The following NEK1 variants were observed in gnomAD, a reference collection of about 807,000 sequenced individuals.
NEK1 encodes serine/threonine-protein kinase Nek1.
In NEK1, 137 loss-of-function variants were observed where a neutral mutation model predicts 182.1. The observed-to-expected ratio is 0.75, with a 90% CI of 0.65 to 0.87. NEK1 has a LOEUF of 0.87. Among genes scored for constraint, NEK1 ranks in the 40% least tolerant of loss-of-function variants. The pLI, the probability that NEK1 is intolerant of heterozygous loss-of-function variation, is 0.00. For synonymous variants in NEK1, 513 were observed against 492.2 expected, an observed-to-expected ratio of 1.04 and a Z score of -0.56; for missense variants, 1,391 against 1,494.4, an observed-to-expected ratio of 0.93 and a Z score of 1.14.
intron 31 of NEK1, among the ~76,000 whole-genome samples, chr4:169,408,540 T>C (rs560557123): frequency 2.0e-5 from 3 of 152,266 alleles, no homozygotes; most frequent in South Asian, 4.1e-4. Context: ...CGTTCTTCAG[T>C]GGTGATTTCT....
At chr4:169,439,845 C>CTTT (rs33985502) in intron 27 of NEK1, among the ~76,000 whole-genome samples, 8 of 116,392 alleles carry the variant, frequency 6.9e-5, no homozygotes, top group Admixed American at 8.8e-5. Flanking sequence ...GTTAGGGTAT[C>CTTT]TTTTTTTTTT....
At chr4:169,468,091 G>T (rs1745261504) in intron 26 of NEK1, among the ~76,000 whole-genome samples, 1 of 151,978 alleles carries the variant, frequency 6.6e-6, no homozygotes, top group African/African-American at 2.4e-5. Flanking sequence ...ATAAAGCAAA[G>T]ATTTTTTTAA....
At chr4:169,460,041 G>A (rs1743663978) in intron 27 of NEK1, among the ~76,000 whole-genome samples, 1 of 152,092 alleles carries the variant, frequency 6.6e-6, no homozygotes, top group Non-Finnish European at 1.5e-5. Context: ...ATAATGATGT[G>A]TCAACATTGG....
intron 12 of NEK1, among the ~76,000 whole-genome samples, chr4:169,570,052 C>T (rs1219567615): frequency 1.1e-4 from 16 of 143,506 alleles, no homozygotes; most frequent in Non-Finnish European, 4.7e-5. Context: ...GTGAGGAGCG[C>T]CTCTTCCCGG....
intron 6 of NEK1, among the ~76,000 whole-genome samples, chr4:169,589,861 T>C (rs1041558867): frequency 1.3e-5 from 2 of 152,168 alleles, no homozygotes; most frequent in Non-Finnish European, 2.9e-5. Flanking sequence ...TAAAAACTTT[T>C]GTGCATCAAA....
At chr4:169,569,055 C>T (rs1340751932) in intron 12 of NEK1, among the ~76,000 whole-genome samples, 2 of 151,836 alleles carry the variant, frequency 1.3e-5, no homozygotes, top group Non-Finnish European at 1.5e-5. Flanking sequence ...ATATAAAACT[C>T]TTAAAAGCAC....
chr4:169,428,373 A>ATATATATATATATATATATATAT, intron 29 of NEK1, among the ~76,000 whole-genome samples: 1 of 23,682 alleles, frequency 4.2e-5, no homozygotes. Context: ...TATATATATA[A>ATATATATATATATATATATATAT]TGGAATATTA....
At chr4:169,458,746 T>A (rs1455950321) in intron 27 of NEK1, among the ~76,000 whole-genome samples, 1 of 148,816 alleles carries the variant, frequency 6.7e-6, no homozygotes, top group Non-Finnish European at 1.5e-5. Flanking sequence ...AAGGATCACC[T>A]GGGCCCAGGG....
At chr4:169,400,410 CAG>C in intron 34 of NEK1, 53 bp from the exon 35 acceptor site, 1 of 1,437,642 alleles carries the variant, frequency 7.0e-7, no homozygotes, top group Non-Finnish European at 9.3e-7. Context: ...TCTGTAATTG[CAG>C]ACTTCACTTT....
At chr4:169,456,431 T>C (rs1742896144) in intron 27 of NEK1, among the ~76,000 whole-genome samples, 1 of 152,110 alleles carries the variant, frequency 6.6e-6, no homozygotes, top group Non-Finnish European at 1.5e-5. Context: ...AAGTTGGCTT[T>C]TTGAAAAGAT....
chr4:169,592,738 T>C (rs1768750231), intron 5 of NEK1, among the ~76,000 whole-genome samples: 1 of 152,012 alleles, frequency 6.6e-6, no homozygotes, highest in Non-Finnish European at 1.5e-5. Context: ...TATAGATATT[T>C]ATTTAATGAG....
chr4:169,579,975 T>A (rs373879719), intron 11 of NEK1, among the ~76,000 whole-genome samples: 2 of 152,180 alleles, frequency 1.3e-5, no homozygotes, highest in Non-Finnish European at 2.9e-5. Context: ...ATAACTTCCA[T>A]TGATTTTAGA....
intron 31 of NEK1, among the ~76,000 whole-genome samples, chr4:169,417,171 C>T (rs1005902558): frequency 1.3e-5 from 2 of 152,140 alleles, no homozygotes; most frequent in Non-Finnish European, 2.9e-5. Context: ...CAAAGAGAAG[C>T]TCATTTCAGG....
chr4:169,442,062 T>G (rs1739565006), intron 27 of NEK1, among the ~76,000 whole-genome samples: 1 of 152,268 alleles, frequency 6.6e-6, no homozygotes, highest in East Asian at 1.9e-4. Context: ...TGAGTGCTGA[T>G]GATGGACCCA....
intron 23 of NEK1, among the ~76,000 whole-genome samples, chr4:169,493,448 G>A (rs1750506139): frequency 6.6e-6 from 1 of 152,194 alleles, no homozygotes; most frequent in African/African-American, 2.4e-5. Context: ...TAAGCAGACT[G>A]AAATATCTAA....
intron 26 of NEK1, among the ~76,000 whole-genome samples, chr4:169,466,944 T>A (rs1157287238): frequency 6.6e-6 from 1 of 152,012 alleles, no homozygotes; most frequent in Non-Finnish European, 1.5e-5. Context: ...ATGCCAGGGT[T>A]CACTTATAAA....
chr4:169,453,694 C>T lies in NEK1; in HGVS notation c.2587+9549G>A, dbSNP rs550968424. On this transcript the variant is annotated intron_variant, in intron 27 of 35. Coordinates refer to ENST00000507142, the MANE Select transcript of NEK1 (RefSeq NM_001199397.3). ...ACTAGCCCAACCTATTCCTTTAATT[C>T]GGCCCATTCCTTCATTTCCCATAAG... 1.6e-4 allele frequency among the ~76,000 whole-genome samples: 24 copies of T among 152,340 alleles called. 1 individual carries two copies. Among genetic ancestry groups the T allele is most frequent in the Non-Finnish European group, 3.1e-4 (21 of 68,026 alleles).
At chr4:169,565,102 AGCT>A (rs1763473279) in intron 12 of NEK1, among the ~76,000 whole-genome samples, 1 of 152,200 alleles carries the variant, frequency 6.6e-6, no homozygotes, top group Non-Finnish European at 1.5e-5. Flanking sequence ...CTCTTACTTA[AGCT>A]AACCATTTAC....
chr4:169,498,187 T>C (rs1191358198), intron 23 of NEK1, among the ~76,000 whole-genome samples: 1 of 152,222 alleles, frequency 6.6e-6, no homozygotes, highest in Non-Finnish European at 1.5e-5. Flanking sequence ...TTTTGATCTT[T>C]GCTGGTTTAA....
Sources: allele counts gnomAD v4.1 joint callset (sites outside exome capture counted in the v4.1 genomes callset), GRCh38; gene constraint gnomAD v4.1.1; transcripts MANE v1.5; gene names NCBI Gene and HGNC (gene_info 2026-07-23, HGNC 2026-07-21).